Variants in TAFA2 observed in about 807,000 individuals in gnomAD.
The protein encoded by TAFA2 is chemokine-like protein TAFA-2.
A neutral mutation model predicts 18.8 loss-of-function variants in TAFA2; 7 were observed. That is an observed-to-expected ratio of 0.37 (90% confidence interval 0.21 to 0.70). The LOEUF is 0.70. Ranked by LOEUF, TAFA2 falls within the 30% of genes least tolerant of loss-of-function variation. The pLI, the probability that TAFA2 is intolerant of heterozygous loss-of-function variation, is 0.53. For missense variants in TAFA2, 122 were observed against 158.1 expected (o/e 0.77, Z 1.23); for synonymous variants, 60 against 54.2 (o/e 1.11, Z -0.47).
chr12:61,896,620 C>T (rs1875857078), intron 1 of TAFA2, among the ~76,000 whole-genome samples: 1 of 152,178 alleles, frequency 6.6e-6, no homozygotes, highest in Admixed American at 6.5e-5. Flanking sequence ...AGTAGTTCTG[C>T]ACTATTTGCC....
chr12:62,164,464 T>C (rs780284627), intron 1 of TAFA2, among the ~76,000 whole-genome samples: 2 of 152,126 alleles, frequency 1.3e-5, no homozygotes, highest in Non-Finnish European at 2.9e-5. Context: ...ATGCCCAAAA[T>C]TGCAAGTGCT....
intron 1 of TAFA2, among the ~76,000 whole-genome samples, chr12:61,974,153 G>C (rs1458491971): frequency 6.6e-6 from 1 of 151,680 alleles, no homozygotes; most frequent in African/African-American, 2.4e-5. Context: ...TTGTCATTTA[G>C]AGAGGTATAA....
intron 1 of TAFA2, among the ~76,000 whole-genome samples, 190 bp from the exon 2 acceptor site, chr12:61,867,616 C>A (rs1874415899): frequency 6.6e-6 from 1 of 151,990 alleles, no homozygotes; most frequent in South Asian, 2.1e-4. Context: ...TTCCAAAGTA[C>A]CTTGATATGA....
intron 4 of TAFA2, among the ~76,000 whole-genome samples, chr12:61,737,105 G>C (rs1208302204): frequency 6.6e-6 from 1 of 151,832 alleles, no homozygotes; most frequent in Admixed American, 6.6e-5. Flanking sequence ...TACTACCTTT[G>C]AGATAAAAGA....
intron 1 of TAFA2, among the ~76,000 whole-genome samples, chr12:62,056,846 C>T (rs1435666183): frequency 6.6e-6 from 1 of 152,150 alleles, no homozygotes; most frequent in Non-Finnish European, 1.5e-5. Context: ...ATAACCACAA[C>T]AACAAAAAAA....
chr12:62,241,481 T>C (rs762998221), intron 1 of TAFA2, among the ~76,000 whole-genome samples: 19 of 152,236 alleles, frequency 1.2e-4, no homozygotes, highest in Admixed American at 3.3e-4. Flanking sequence ...ATAAGTACTA[T>C]TGCATTTATT....
At chr12:61,945,976 CA>C (rs1334346497) in intron 1 of TAFA2, among the ~76,000 whole-genome samples, 2 of 130,164 alleles carry the variant, frequency 1.5e-5, no homozygotes, top group African/African-American at 6.8e-5. Context: ...CATATGGAAC[CA>C]AAAAAGAGCC....
At chr12:62,243,054 AATT>A (rs2062869953) in intron 1 of TAFA2, among the ~76,000 whole-genome samples, 1 of 152,196 alleles carries the variant, frequency 6.6e-6, no homozygotes, top group South Asian at 2.1e-4. Flanking sequence ...CTATAGCCTA[AATT>A]ATTAAGATTT....
At chr12:61,918,299 C>T (rs905789075) in intron 1 of TAFA2, among the ~76,000 whole-genome samples, 9 of 152,010 alleles carry the variant, frequency 5.9e-5, no homozygotes, top group African/African-American at 2.2e-4. Flanking sequence ...CCCCTTTTCC[C>T]CACCCGCACA....
At chr12:62,113,392 C>G (rs1869821343) in intron 1 of TAFA2, among the ~76,000 whole-genome samples, 1 of 152,152 alleles carries the variant, frequency 6.6e-6, no homozygotes, top group Non-Finnish European at 1.5e-5. Flanking sequence ...AGATGCCAGC[C>G]AGAGCTCTCC....
chr12:62,032,258 G>C lies in TAFA2; in HGVS notation c.-2+159001C>G, dbSNP rs546251990. Among the ~76,000 whole-genome samples the C allele has an allele frequency of 3.3e-5, 5 of 152,216 alleles. No homozygotes were observed. In the South Asian group the frequency reaches 1.0e-3, roughly 32 times the overall value. On this transcript the variant is annotated intron_variant, in intron 1 of 4. Coordinates refer to ENST00000416284, the MANE Select transcript of TAFA2 (RefSeq NM_178539.5). ...ATGAGGAGGAAAATCAGCTGAGAAA[G>C]GGTACAGGAAAGGACTTCATTTAAG...
intron 1 of TAFA2, among the ~76,000 whole-genome samples, chr12:61,889,993 C>T (rs538693843): frequency 6.6e-6 from 1 of 152,192 alleles, no homozygotes; most frequent in Non-Finnish European, 1.5e-5. Context: ...ATTTTATGTT[C>T]CACTGCCACA....
intron 1 of TAFA2, among the ~76,000 whole-genome samples, chr12:61,933,583 G>A (rs1184027645): frequency 1.3e-5 from 2 of 152,078 alleles, no homozygotes; most frequent in Admixed American, 6.6e-5. Context: ...GAGTGGTGGT[G>A]CACACCTGTA....
chr12:62,127,281 G>A lies in TAFA2; in HGVS notation c.-2+63978C>T, dbSNP rs1175800517. Among the ~76,000 whole-genome samples, 9 of 152,042 alleles carry A rather than the reference G, an allele frequency of 5.9e-5. No individual in the cohort carries two copies. The Middle Eastern group carries it at 0.01, about 172-fold the overall frequency. On this transcript the variant is annotated intron_variant, in intron 1 of 4. Transcript: ENST00000416284. ...GGTCAGAAGGAAGATTGCACCTTCC[G>A]AAGAATGATTCAATTGCACCCCACC...
At chr12:62,031,348 T>C (rs111621656) in intron 1 of TAFA2, among the ~76,000 whole-genome samples, 16,818 of 152,170 alleles carry the variant, frequency 0.11, 1,083 homozygotes, top group Non-Finnish European at 0.14. Context: ...CCATGCTGGA[T>C]GCTTCCTGCC....
At chr12:62,169,634 G>A (rs1450657449) in intron 1 of TAFA2, among the ~76,000 whole-genome samples, 1 of 152,046 alleles carries the variant, frequency 6.6e-6, no homozygotes, top group Non-Finnish European at 1.5e-5. Context: ...GGCAGATCAC[G>A]AGGTCAGGAG....
intron 2 of TAFA2, among the ~76,000 whole-genome samples, chr12:61,821,285 G>A (rs1007923319): frequency 2.0e-5 from 3 of 152,006 alleles, no homozygotes; most frequent in Admixed American, 1.3e-4. Flanking sequence ...TGTAATATAG[G>A]TTAATGATTT....
intron 1 of TAFA2, among the ~76,000 whole-genome samples, chr12:62,211,473 G>C (rs187401291): frequency 1.1e-4 from 16 of 151,920 alleles, no homozygotes; most frequent in Middle Eastern, 3.4e-3. Flanking sequence ...CCAGCTACTC[G>C]GGAGGCTGAA....
rs984035733 is a variant in TAFA2, at chr12:61,944,223, G to A, written c.-1-76797C>T. Among the ~76,000 whole-genome samples, 57 of 149,386 alleles carry A rather than the reference G, an allele frequency of 3.8e-4. No individual in the cohort carries two copies. The South Asian group carries it at 7.5e-3, about 20-fold the overall frequency. ...ATGACTACTGGGTACATAACGAAAT[G>A]AAGGCAGAAATAAAGATGTTCTTTG... On this transcript the variant is annotated intron_variant, in intron 1 of 4. Transcript: ENST00000416284.
Sources: gnomAD v4.1 joint callset for allele counts (sites outside exome capture counted in the v4.1 genomes callset) on GRCh38, gnomAD v4.1.1 for gene constraint, MANE v1.5 for transcripts, NCBI Gene and HGNC (gene_info 2026-07-23, HGNC 2026-07-21) for gene names.